SPTSSB: variants seen among roughly 807,000 people sequenced by gnomAD.
SPTSSB encodes the protein serine palmitoyltransferase small subunit B.
A neutral mutation model predicts 7.7 loss-of-function variants in SPTSSB; 6 were observed. The ratio of observed to expected loss-of-function variants is 0.78; its 90% CI spans 0.43 to 1.54. The LOEUF (loss-of-function observed/expected upper bound fraction) is 1.54. Among genes scored for constraint, SPTSSB ranks in the 40% most tolerant of loss-of-function variants. The pLI, the probability that SPTSSB is intolerant of heterozygous loss-of-function variation, is 0.01. For synonymous variants in SPTSSB, 28 were observed against 29.7 expected (o/e 0.94, Z 0.19); for missense variants, 91 against 93.0 (o/e 0.98, Z 0.09).
chr3:161,355,365 C>T (rs1014051750), intron 2 of SPTSSB, among the ~76,000 whole-genome samples: 2 of 152,112 alleles, frequency 1.3e-5, no homozygotes, highest in African/African-American at 2.4e-5. Context: ...GCATTAAAGC[C>T]ACCAAAAGTT....
intron 1 of SPTSSB, among the ~76,000 whole-genome samples, chr3:161,367,970 G>A (rs1715288973): frequency 6.6e-6 from 1 of 152,158 alleles, no homozygotes. Flanking sequence ...GAATTGATGA[G>A]TCCAAAAAGA....
At chr3:161,370,798 T>G (rs1378015336) in intron 1 of SPTSSB, among the ~76,000 whole-genome samples, 2 of 152,218 alleles carry the variant, frequency 1.3e-5, no homozygotes, top group African/African-American at 4.8e-5. Context: ...TTTAAAATGC[T>G]ACTCTAAACA....
At chr3:161,348,714 G>A (rs933040416) in intron 2 of SPTSSB, among the ~76,000 whole-genome samples, 31 of 151,986 alleles carry the variant, frequency 2.0e-4, no homozygotes, top group African/African-American at 6.8e-4. Flanking sequence ...TTTTTTGCCA[G>A]TTACCACAAT....
intron 2 of SPTSSB, among the ~76,000 whole-genome samples, chr3:161,351,513 CT>C (rs1714535487): frequency 6.6e-6 from 1 of 152,026 alleles, no homozygotes; most frequent in Admixed American, 6.6e-5. Flanking sequence ...AAGAGACTGG[CT>C]TTTAAAATTT....
intron 1 of SPTSSB, among the ~76,000 whole-genome samples, chr3:161,368,616 C>T (rs1332482572): frequency 3.3e-5 from 5 of 151,850 alleles, no homozygotes; most frequent in South Asian, 4.2e-4. Context: ...TTAGTAGAGA[C>T]GGGGTTTCAC....
Position 161,345,833 on chromosome 3 carries a change from A to G in SPTSSB, c.*260T>C. 3.3e-6 allele frequency: 1 copy of G among 306,338 alleles called. No individual in the cohort carries two copies. Among genetic ancestry groups the G allele is most frequent in the East Asian group, 6.6e-5 (1 of 15,230 alleles). The allele number at this position is 306,338 out of a possible 1,614,324, so 19.0% of individuals were successfully genotyped here. A position where few individuals can be genotyped will look rare whatever the true frequency, so the allele number is the denominator to read the frequency against. On this transcript the variant is annotated 3_prime_UTR_variant, in exon 3 of 3. Transcript: ENST00000620149. ...TTCTGATTTTAAATAAACTAAATTC[A>G]TAGATTTGTGTTGACAGAATATGAT...
chr3:161,357,493 G>T (rs1281909426), intron 2 of SPTSSB, among the ~76,000 whole-genome samples: 2 of 152,208 alleles, frequency 1.3e-5, no homozygotes, highest in African/African-American at 2.4e-5. Flanking sequence ...CTGGCTTGTT[G>T]TCAGGGCGAA....
At chr3:161,364,795 T>A (rs1240901763) in intron 1 of SPTSSB, among the ~76,000 whole-genome samples, 2 of 152,142 alleles carry the variant, frequency 1.3e-5, no homozygotes, top group Admixed American at 6.6e-5. Flanking sequence ...CATGAACTGA[T>A]ATTTTGGCTA....
intron 1 of SPTSSB, among the ~76,000 whole-genome samples, chr3:161,365,050 T>A (rs1715162441): frequency 6.6e-6 from 1 of 152,230 alleles, no homozygotes; most frequent in East Asian, 1.9e-4. Flanking sequence ...AGAGCAGGGA[T>A]ACAATACTTA....
At chr3:161,354,668 A>G (rs537960796) in intron 2 of SPTSSB, among the ~76,000 whole-genome samples, 1 of 152,324 alleles carries the variant, frequency 6.6e-6, no homozygotes, top group South Asian at 2.1e-4. Context: ...ATTACCTTCC[A>G]TTTGTATTAA....
intron 2 of SPTSSB, chr3:161,348,170 C>T (rs1026548365): frequency 6.6e-6 from 1 of 152,060 alleles, no homozygotes; most frequent in Non-Finnish European, 1.5e-5. Flanking sequence ...GTCTCAGGTA[C>T]TAGAGAGGCT....
rs976435556 is a variant in SPTSSB at position 161,346,055 on chromosome 3, A to G, written c.*38T>C. Reference sequence around the variant, plus strand: ...TAAATCAATAAGCTGTAAGCAACATATAAATATGCAATGCCATTTCACTGA... The same window carrying G: ...TAAATCAATAAGCTGTAAGCAACATGTAAATATGCAATGCCATTTCACTGA... On this transcript the variant is annotated 3_prime_UTR_variant, in exon 3 of 3. Coordinates refer to ENST00000620149, the MANE Select transcript of SPTSSB (RefSeq NM_001040100.2). The G allele has an allele frequency of 1.0e-5, 11 of 1,069,046 alleles. No homozygotes were observed. The highest frequency in any genetic ancestry group is 1.6e-5 in the Non-Finnish European group (11 of 689,202). The allele number at this position is 1,069,046 out of a possible 1,614,324, so 66.2% of individuals were successfully genotyped here.
chr3:161,354,797 G>C (rs1714696454), intron 2 of SPTSSB, among the ~76,000 whole-genome samples: 1 of 152,088 alleles, frequency 6.6e-6, no homozygotes, highest in Non-Finnish European at 1.5e-5. Flanking sequence ...CCTATTTTTT[G>C]GTCATCTTCT....
intron 2 of SPTSSB, among the ~76,000 whole-genome samples, chr3:161,354,782 G>T (rs1329248163): frequency 6.6e-6 from 1 of 152,160 alleles, no homozygotes; most frequent in Non-Finnish European, 1.5e-5. Context: ...CAATTTCAAG[G>T]CAGTCCTATT....
intron 2 of SPTSSB, among the ~76,000 whole-genome samples, chr3:161,358,176 C>G (rs531191835): frequency 1.3e-5 from 2 of 151,766 alleles, no homozygotes; most frequent in African/African-American, 2.4e-5. Context: ...CCACTGCCCC[C>G]GGCAGAAACA....
rs1714390714 is a variant in SPTSSB, at chr3:161,348,892, T to C, written c.-32-2537A>G. Among the ~76,000 whole-genome samples, 4 of 152,196 alleles carry C rather than the reference T, an allele frequency of 2.6e-5. No individual in the cohort carries two copies. The South Asian group carries it at 8.3e-4, about 32-fold the overall frequency. On this transcript the variant is annotated intron_variant, in intron 2 of 2. Transcript: ENST00000620149. ...AGGTGAGAAGAGGGAGAGTTGGTTA[T>C]TATTGTTGAACCATCTGCTACAATC...
chr3:161,366,323 G>A (rs1467264380), intron 1 of SPTSSB, among the ~76,000 whole-genome samples: 7 of 152,174 alleles, frequency 4.6e-5, no homozygotes, highest in South Asian at 4.1e-4. Flanking sequence ...GTTGTAATTC[G>A]CGAGAGCAGG....
chr3:161,371,178 A>G (rs565075689), intron 1 of SPTSSB, among the ~76,000 whole-genome samples: 1 of 152,334 alleles, frequency 6.6e-6, no homozygotes, highest in Non-Finnish European at 1.5e-5. Context: ...TGAAAATAGT[A>G]AAGAAATTTT....
chr3:161,367,341 C>T (rs1254572394), intron 1 of SPTSSB, among the ~76,000 whole-genome samples: 1 of 152,170 alleles, frequency 6.6e-6, no homozygotes, highest in Non-Finnish European at 1.5e-5. Context: ...AAAACATACA[C>T]ATGAAAGAAT....
Sources: gnomAD v4.1 joint callset for allele counts (sites outside exome capture counted in the v4.1 genomes callset) on GRCh38, gnomAD v4.1.1 for gene constraint, MANE v1.5 for transcripts, NCBI Gene and HGNC (gene_info 2026-07-23, HGNC 2026-07-21) for gene names.